Variants in PLD5 observed in about 807,000 individuals in gnomAD.
PLD5 encodes inactive phospholipase D5.
Under a neutral mutation model 61.1 loss-of-function variants are expected in PLD5, and 36 were observed. The observed-to-expected ratio is 0.59, with a 90% CI of 0.45 to 0.78. The LOEUF (loss-of-function observed/expected upper bound fraction) is 0.78, where lower values mean the gene tolerates loss of function less well. Ranked by LOEUF, PLD5 falls within the 30% of genes least tolerant of loss-of-function variation. The probability of loss-of-function intolerance (pLI) is 0.00; values close to 1 mark genes in which losing one functional copy is unlikely to be tolerated. For missense variants in PLD5, 515 were observed against 644.4 expected (o/e 0.80, Z 2.17); for synonymous variants, 243 against 242.8 (o/e 1.00, Z -0.01).
chr1:242,333,444 T>C (rs1659312376), intron 2 of PLD5, among the ~76,000 whole-genome samples: 1 of 152,286 alleles, frequency 6.6e-6, no homozygotes, highest in Middle Eastern at 3.4e-3. Flanking sequence ...CTCTGTCTTC[T>C]GGGCAACGCC....
chr1:242,301,670 G>A (rs9970289), intron 2 of PLD5, among the ~76,000 whole-genome samples: 151,471 of 152,228 alleles, frequency 1, 75,365 homozygotes, highest in East Asian at 1. Flanking sequence ...TTTGGTTAAC[G>A]GATCACATAT....
At chr1:242,451,740 T>C (rs1415402301) in intron 1 of PLD5, among the ~76,000 whole-genome samples, 1 of 151,996 alleles carries the variant, frequency 6.6e-6, no homozygotes, top group African/African-American at 2.4e-5. Flanking sequence ...GATTACAGGC[T>C]TGAGCCACCG....
At position 242,179,285 on chromosome 1, in the gene PLD5, G is replaced by A. The variant is rs560852598; in HGVS notation, c.735+40703C>T. On this transcript the variant is annotated intron_variant, in intron 5 of 9. Coordinates refer to ENST00000536534, the MANE Select transcript of PLD5 (RefSeq NM_001372062.1). ...AAGGCAGTGAAATAATGAGGGCAAG[G>A]GGAGCAGACGGAGCATTCTGTTCTA... 2.0e-5 allele frequency among the ~76,000 whole-genome samples: 3 copies of A among 152,300 alleles called. No individual in the cohort carries two copies. In the South Asian group the frequency reaches 6.2e-4, roughly 32 times the overall value.
At chr1:242,366,874 T>TCCA (rs1416748585) in intron 1 of PLD5, among the ~76,000 whole-genome samples, 5 of 152,192 alleles carry the variant, frequency 3.3e-5, no homozygotes, top group Non-Finnish European at 5.9e-5. Context: ...CAATAATTTT[T>TCCA]GTGTTTTACA....
intron 4 of PLD5, among the ~76,000 whole-genome samples, chr1:242,236,893 G>C (rs1037438158): frequency 6.6e-6 from 1 of 152,190 alleles, no homozygotes; most frequent in Non-Finnish European, 1.5e-5. Flanking sequence ...CTATCTTCCA[G>C]GTTGAAGCCT....
intron 5 of PLD5, among the ~76,000 whole-genome samples, chr1:242,215,034 G>T (rs1196598810): frequency 2.2e-5 from 3 of 136,998 alleles, no homozygotes; most frequent in Non-Finnish European, 4.7e-5. Flanking sequence ...CTGCCACCGT[G>T]CCTGGCCAAT....
At chr1:242,467,557 A>G (rs1190593462) in intron 1 of PLD5, among the ~76,000 whole-genome samples, 1 of 152,212 alleles carries the variant, frequency 6.6e-6, no homozygotes, top group African/African-American at 2.4e-5. Context: ...GCAATTTGGC[A>G]ATTACCTCAT....
intron 1 of PLD5, among the ~76,000 whole-genome samples, chr1:242,471,604 T>C (rs1461029161): frequency 1.3e-5 from 2 of 152,060 alleles, no homozygotes; most frequent in Non-Finnish European, 2.9e-5. Flanking sequence ...CTTGAGATTT[T>C]ATGAGAAAAG....
rs551597951 is a variant in PLD5, at chr1:242,242,304, G to A, written c.608-22189C>T. On this transcript the variant is annotated intron_variant, in intron 4 of 9. Coordinates refer to ENST00000536534, the MANE Select transcript of PLD5 (RefSeq NM_001372062.1). ...CCTGCAATCCAGGGGCAGTGCCCTG[G>A]ATTCTCCAGCCTGTCCCCCTATTTT... is the stretch of plus-strand genomic sequence containing the variant. Among the ~76,000 whole-genome samples, 11 of 152,156 alleles carry A rather than the reference G, an allele frequency of 7.2e-5. No individual in the cohort carries two copies. The East Asian group carries it at 2.1e-3, about 30-fold the overall frequency.
chr1:242,424,707 C>T (rs1280614757), intron 1 of PLD5, among the ~76,000 whole-genome samples: 3 of 152,102 alleles, frequency 2.0e-5, no homozygotes, highest in South Asian at 2.1e-4. Context: ...CACTGCTTTT[C>T]GAAAGCTGGA....
chr1:242,411,481 T>C (rs934507565), intron 1 of PLD5, among the ~76,000 whole-genome samples: 4 of 152,190 alleles, frequency 2.6e-5, no homozygotes, highest in African/African-American at 9.6e-5. Context: ...GTGATCCACC[T>C]GCCTCAGCCT....
chr1:242,471,056 A>G (rs1043645507), intron 1 of PLD5, among the ~76,000 whole-genome samples: 1 of 152,178 alleles, frequency 6.6e-6, no homozygotes, highest in Non-Finnish European at 1.5e-5. Flanking sequence ...CCAACATGAC[A>G]TAGGACTAAA....
intron 3 of PLD5, among the ~76,000 whole-genome samples, chr1:242,268,208 T>C (rs1303371500): frequency 6.6e-6 from 1 of 152,164 alleles, no homozygotes; most frequent in Admixed American, 6.5e-5. Flanking sequence ...GGTTTGGTGA[T>C]GTGTGCATGG....
intron 1 of PLD5, among the ~76,000 whole-genome samples, chr1:242,485,942 C>G (rs917293735): frequency 3.3e-5 from 5 of 152,012 alleles, no homozygotes; most frequent in Non-Finnish European, 7.4e-5. Flanking sequence ...TTTGACAAAC[C>G]TGACAAAAAC....
intron 1 of PLD5, among the ~76,000 whole-genome samples, chr1:242,494,758 T>C (rs1668307843): frequency 6.6e-6 from 1 of 152,196 alleles, no homozygotes; most frequent in Admixed American, 6.5e-5. Context: ...CAATCCTTTC[T>C]TTATGAGGGC....
intron 7 of PLD5, among the ~76,000 whole-genome samples, chr1:242,113,053 A>G (rs1040401976): frequency 6.0e-5 from 9 of 150,400 alleles, no homozygotes; most frequent in Non-Finnish European, 1.0e-4. Context: ...GACTGAGAAC[A>G]TAGATATTTG....
rs115766101 is a variant in PLD5, at chr1:242,239,336, T to C, written c.608-19221A>G. On this transcript the variant is annotated intron_variant, in intron 4 of 9. Transcript: ENST00000536534. ...ATGAATGATTGGAAGCCTATAATTC[T>C]AAAAAGAGAAAGCTTATGTTGTATT... is the stretch of plus-strand genomic sequence containing the variant. 4.1e-3 allele frequency among the ~76,000 whole-genome samples: 625 copies of C among 152,282 alleles called. 5 individuals carry two copies. Among genetic ancestry groups the C allele is most frequent in the African/African-American group, 0.015 (606 of 41,562 alleles).
chr1:242,253,048 C>G (rs1558399578), intron 4 of PLD5, among the ~76,000 whole-genome samples: 1 of 151,394 alleles, frequency 6.6e-6, no homozygotes, highest in Non-Finnish European at 1.5e-5. Flanking sequence ...AACTCCTGAC[C>G]TCATGATCCG....
At chr1:242,374,130 C>T (rs1661813813) in intron 1 of PLD5, among the ~76,000 whole-genome samples, 1 of 152,136 alleles carries the variant, frequency 6.6e-6, no homozygotes, top group Admixed American at 6.6e-5. Context: ...GCTGTGCATA[C>T]ATCTTCCTCT....
Sources: allele counts gnomAD v4.1 joint callset (sites outside exome capture counted in the v4.1 genomes callset), GRCh38; gene constraint gnomAD v4.1.1; transcripts MANE v1.5; gene names NCBI Gene and HGNC (gene_info 2026-07-23, HGNC 2026-07-21).